The following TNKS variants were observed in gnomAD, a reference collection of about 807,000 sequenced individuals.
TNKS encodes the protein tankyrase.
TNKS carries 72 observed loss-of-function variants against 135.8 expected under a neutral mutation model. The ratio of observed to expected loss-of-function variants is 0.53; its 90% CI spans 0.44 to 0.64. The LOEUF is 0.64. Ranked by LOEUF, TNKS falls within the 30% of genes least tolerant of loss-of-function variation. The pLI, the probability that TNKS is intolerant of heterozygous loss-of-function variation, is 0.00. For missense variants in TNKS, 1,769 were observed against 1,674.0 expected (o/e 1.06, Z -0.99); for synonymous variants, 849 against 649.3 (o/e 1.31, Z -4.68).
rs895386960 is a variant in TNKS at position 9,572,388 on chromosome 8, G to C, written c.674-7771G>C. On this transcript the variant is annotated intron_variant, in intron 1 of 26. Transcript: ENST00000310430. ...TTGCTACAAAGTGTCCATGCTGTTT[G>C]GCACTCCATGAATATATTAATCTGA... 4.6e-5 allele frequency among the ~76,000 whole-genome samples: 7 copies of C among 152,166 alleles called. No homozygotes were observed. In the South Asian group the frequency reaches 1.0e-3, roughly 23 times the overall value.
chr8:9,766,113 G>A (rs1807429785), intron 24 of TNKS, 126 bp from the exon 25 acceptor site: 2 of 826,506 alleles, frequency 2.4e-6, no homozygotes, highest in South Asian at 4.2e-5. Flanking sequence ...GACCTTCTTA[G>A]AAAATACTTT....
intron 3 of TNKS, among the ~76,000 whole-genome samples, chr8:9,631,418 A>G (rs1800283237): frequency 6.6e-6 from 1 of 152,250 alleles, no homozygotes; most frequent in Non-Finnish European, 1.5e-5. Context: ...AAGTCATAAA[A>G]TGTACTGATG....
chr8:9,569,221 C>T (rs886654823), intron 1 of TNKS, among the ~76,000 whole-genome samples: 1 of 152,176 alleles, frequency 6.6e-6, no homozygotes, highest in Non-Finnish European at 1.5e-5. Flanking sequence ...CCTGTCATCA[C>T]TCCCTGGACG....
intron 17 of TNKS, among the ~76,000 whole-genome samples, chr8:9,741,310 A>G (rs563483688): frequency 1.9e-4 from 29 of 152,124 alleles, no homozygotes; most frequent in Non-Finnish European, 3.7e-4. Flanking sequence ...TAAACTTACT[A>G]TGAGTAGGGA....
intron 2 of TNKS, among the ~76,000 whole-genome samples, chr8:9,588,035 T>G (rs1468096865): frequency 2.0e-5 from 3 of 152,132 alleles, no homozygotes; most frequent in Non-Finnish European, 4.4e-5. Context: ...CTTAAAATAA[T>G]TATAAAAAAG....
At chr8:9,599,300 T>G (rs932734586) in intron 2 of TNKS, among the ~76,000 whole-genome samples, 7 of 152,198 alleles carry the variant, frequency 4.6e-5, no homozygotes, top group African/African-American at 1.7e-4. Context: ...AAGATTCTCA[T>G]TGGGATACGA....
chr8:9,735,160 C>T (rs1805633126), intron 16 of TNKS, 76 bp downstream of exon 16: 2 of 1,426,310 alleles, frequency 1.4e-6, no homozygotes, highest in Admixed American at 2.4e-5. Context: ...AGACGAAAGC[C>T]ATGCTGAACA....
At chr8:9,716,713 T>C (rs2128811180) in intron 11 of TNKS, among the ~76,000 whole-genome samples, 1 of 152,122 alleles carries the variant, frequency 6.6e-6, no homozygotes, top group East Asian at 1.9e-4. Context: ...CCTGTCTTTC[T>C]CTCTCTTTCT....
At chr8:9,602,235 G>C (rs1799044709) in intron 2 of TNKS, among the ~76,000 whole-genome samples, 1 of 152,178 alleles carries the variant, frequency 6.6e-6, no homozygotes, top group South Asian at 2.1e-4. Context: ...GCCACTTGTA[G>C]GTTTAGCTAG....
Position 9,778,437 on chromosome 8 carries a change from A to G in TNKS, c.*1701A>G, listed in dbSNP as rs1185582113. On this transcript the variant is annotated 3_prime_UTR_variant, in exon 27 of 27. Coordinates refer to ENST00000310430, the MANE Select transcript of TNKS (RefSeq NM_003747.3). ...AAAACTTCTAGAAATAGACTCTTAA[A>G]ATATATACATTTTGCTTTGATTTTG... is the stretch of plus-strand genomic sequence containing the variant. The G allele has an allele frequency of 6.6e-6, 1 of 152,638 alleles. No individual in the cohort carries two copies. Among genetic ancestry groups the G allele is most frequent in the Non-Finnish European group, 1.5e-5 (1 of 68,038 alleles). The allele number at this position is 152,638 out of a possible 1,614,324, so 9.5% of individuals were successfully genotyped here.
chr8:9,643,417 C>G (rs539217402), intron 3 of TNKS, among the ~76,000 whole-genome samples: 1 of 117,930 alleles, frequency 8.5e-6, no homozygotes, highest in Non-Finnish European at 1.8e-5. Flanking sequence ...AGCTCACTAT[C>G]GTGATAACTA....
chr8:9,770,013 T>G, intron 25 of TNKS, 93 bp from the exon 26 acceptor site: 1 of 1,133,738 alleles, frequency 8.8e-7, no homozygotes, highest in Non-Finnish European at 1.2e-6. Context: ...GCTTGCCTTA[T>G]GTTAAATTTT....
intron 1 of TNKS, 29 bp from the exon 2 acceptor site, chr8:9,580,130 A>G (rs984572586): frequency 9.4e-6 from 15 of 1,588,240 alleles, no homozygotes; most frequent in African/African-American, 1.3e-5. Flanking sequence ...TCAAATATAT[A>G]TACAAGACAT....
chr8:9,780,197 C>A lies in TNKS; in HGVS notation c.*3461C>A, dbSNP rs1585468517. The A allele has an allele frequency of 1.3e-5, 2 of 151,564 alleles. No individual in the cohort carries two copies. Among genetic ancestry groups the A allele is most frequent in the East Asian group, 3.9e-4 (2 of 5,136 alleles). The allele number at this position is 151,564 out of a possible 1,614,324, so 9.4% of individuals were successfully genotyped here. The stretch of plus-strand genomic sequence containing the variant: ...GAAGGGTTATTGGGCATTGTCCCCA[C>A]CCCCGCCTTTTTAACATGTGCACTA... On this transcript the variant is annotated 3_prime_UTR_variant, in exon 27 of 27. Coordinates refer to ENST00000310430, the MANE Select transcript of TNKS (RefSeq NM_003747.3).
chr8:9,590,286 A>C (rs1367823280), intron 2 of TNKS, among the ~76,000 whole-genome samples: 1 of 151,848 alleles, frequency 6.6e-6, no homozygotes, highest in East Asian at 1.9e-4. Context: ...TTGTCTCTCT[A>C]ATGCACCAAA....
chr8:9,669,173 C>G (rs547126054), intron 3 of TNKS, among the ~76,000 whole-genome samples: 1 of 150,906 alleles, frequency 6.6e-6, no homozygotes, highest in Non-Finnish European at 1.5e-5. Flanking sequence ...AATCCCAGCA[C>G]TTTGGGAGGC....
At chr8:9,680,583 A>G in intron 4 of TNKS, 142 bp from the exon 5 acceptor site, 1 of 576,260 alleles carries the variant, frequency 1.7e-6, no homozygotes, top group Non-Finnish European at 3.1e-6. Context: ...ATTGAATTGA[A>G]TATTGCAAAA....
intron 1 of TNKS, among the ~76,000 whole-genome samples, chr8:9,570,431 C>A (rs955076356): frequency 6.6e-6 from 1 of 152,202 alleles, no homozygotes; most frequent in Non-Finnish European, 1.5e-5. Context: ...ATTCCAGTGG[C>A]AGTGGGCTGG....
At chr8:9,716,964 A>T (rs565844887) in intron 11 of TNKS, among the ~76,000 whole-genome samples, 2 of 150,618 alleles carry the variant, frequency 1.3e-5, no homozygotes, top group South Asian at 4.2e-4. Flanking sequence ...CATTCATTGG[A>T]TTGGCACCCT....
Sources: allele counts gnomAD v4.1 joint callset (sites outside exome capture counted in the v4.1 genomes callset), GRCh38; gene constraint gnomAD v4.1.1; transcripts MANE v1.5; gene names NCBI Gene and HGNC (gene_info 2026-07-23, HGNC 2026-07-21).